Variants in SETD2 observed in about 807,000 individuals in gnomAD.
The protein encoded by SETD2 is histone-lysine N-methyltransferase SETD2.
A neutral mutation model predicts 242.1 loss-of-function variants in SETD2; 31 were observed. The ratio of observed to expected loss-of-function variants is 0.13; its 90% CI spans 0.10 to 0.17. The LOEUF (loss-of-function observed/expected upper bound fraction) is 0.17, where lower values mean the gene tolerates loss of function less well. Among genes scored for constraint, SETD2 ranks in the 10% least tolerant of loss-of-function variants. The pLI is 1.00. For synonymous variants in SETD2, 1,006 were observed against 1,066.5 expected, an observed-to-expected ratio of 0.94 and a Z score of 1.11; for missense variants, 2,481 against 3,046.3, an observed-to-expected ratio of 0.81 and a Z score of 4.37.
intron 15 of SETD2, among the ~76,000 whole-genome samples, chr3:47,051,084 C>T (rs1256268377): frequency 1.3e-5 from 2 of 151,558 alleles, no homozygotes; most frequent in African/African-American, 2.4e-5. Context: ...TATTCTCTTG[C>T]CATGACCATT....
Position 47,120,382 on chromosome 3 carries a change from A to G in SETD2, c.4254T>C (p.Asp1418=), listed in dbSNP as rs1172978091. The part of the protein sequence containing the change: ...RQEIESDSES[D]GELQDRKKVR... ...CTTTCTTTCTGTCCTGAAGCTCACC[A>G]TCACTTTCAGAATCACTCTCTATTT... Residue 1418 remains aspartate (D), a synonymous_variant, in exon 3 of 21, where the codon GAT becomes GAC. Transcript: ENST00000409792. 1.2e-6 allele frequency: 2 copies of G among 1,612,498 alleles called. No individual in the cohort carries two copies. Among genetic ancestry groups the G allele is most frequent in the Non-Finnish European group, 1.7e-6 (2 of 1,179,558 alleles).
rs1015959894 is a variant in SETD2 at position 47,121,869 on chromosome 3, G to A, written c.2767C>T (p.His923Tyr). 6.2e-7 allele frequency: 1 copy of A among 1,613,962 alleles called. No individual in the cohort carries two copies. The highest frequency in any genetic ancestry group is 8.5e-7 in the Non-Finnish European group (1 of 1,179,986). Reference sequence around the variant, plus strand: ...TCTACTATTGTTTCTTTCCCTGCATGCTTTAAAAACTCTGAACTTTTTTTA... The same window carrying A: ...TCTACTATTGTTTCTTTCCCTGCATACTTTAAAAACTCTGAACTTTTTTTA... ...KSKKSSEFLK[H>Y]AGKETIVEVG... The change falls in exon 3 of 21, where the codon CAT becomes TAT. Residue 923 changes from histidine to tyrosine, a missense_variant. His to Tyr is a moderately conservative substitution (Grantham distance 83). Coordinates refer to ENST00000409792, the MANE Select transcript of SETD2 (RefSeq NM_014159.7).
At chr3:47,135,425 C>T (rs774918803) in intron 1 of SETD2, among the ~76,000 whole-genome samples, 1 of 152,110 alleles carries the variant, frequency 6.6e-6, no homozygotes, top group Non-Finnish European at 1.5e-5. Context: ...GAGGCACACG[C>T]CACTTACGTC....
In SETD2 at chr3:47,159,195, A is replaced by G. The variant is rs1697408017; in HGVS notation, c.71+4659T>C. On this transcript the variant is annotated intron_variant, in intron 1 of 20. Coordinates refer to ENST00000409792, the MANE Select transcript of SETD2 (RefSeq NM_014159.7). ...AATCTCATCCAGCTTCATGGCTTGA[A>G]TAATACCTAAACTGGTGAAAACAAA... Among the ~76,000 whole-genome samples the G allele has an allele frequency of 2.0e-5, 3 of 152,346 alleles. No homozygotes were observed. In the East Asian group the frequency reaches 5.8e-4, roughly 29 times the overall value.
intron 1 of SETD2, among the ~76,000 whole-genome samples, chr3:47,132,330 T>C (rs1406584279): frequency 6.6e-6 from 1 of 151,894 alleles, no homozygotes; most frequent in African/African-American, 2.4e-5. Context: ...ACTACAAAAC[T>C]ACAAAAACTA....
intron 1 of SETD2, among the ~76,000 whole-genome samples, chr3:47,155,413 C>T (rs1054288109): frequency 1.3e-5 from 2 of 152,144 alleles, no homozygotes; most frequent in Non-Finnish European, 2.9e-5. Context: ...GTAATACAAA[C>T]GTGGCAAAAT....
Position 47,092,120 on chromosome 3 carries a change from G to A in SETD2, c.5143-3873C>T, listed in dbSNP as rs141824110. Among the ~76,000 whole-genome samples, 18 of 152,110 alleles carry A rather than the reference G, an allele frequency of 1.2e-4. No individual in the cohort carries two copies. The East Asian group carries it at 1.7e-3, about 15-fold the overall frequency. ...CGTTCTAACTAAAGAAAAATAAACC[G>A]TAAAAATGCAGAAACTGCAGTATAA... On this transcript the variant is annotated intron_variant, in intron 9 of 20. Transcript: ENST00000409792.
chr3:47,036,250 A>G (rs981549034), intron 18 of SETD2, among the ~76,000 whole-genome samples: 1 of 152,146 alleles, frequency 6.6e-6, no homozygotes, highest in Non-Finnish European at 1.5e-5. Flanking sequence ...ATGATATCTG[A>G]TTTCATTCAA....
intron 5 of SETD2, among the ~76,000 whole-genome samples, chr3:47,109,849 G>A (rs2042582243): frequency 6.6e-6 from 1 of 152,040 alleles, no homozygotes; most frequent in Non-Finnish European, 1.5e-5. Context: ...AGCTGGGCAT[G>A]GTGGCGCACA....
chr3:47,113,653 G>A (rs1055469268), intron 5 of SETD2, among the ~76,000 whole-genome samples: 1 of 152,094 alleles, frequency 6.6e-6, no homozygotes, highest in Non-Finnish European at 1.5e-5. Flanking sequence ...GGCCAACATG[G>A]TGAAACAACG....
At position 47,046,528 on chromosome 3, in the gene SETD2, T is replaced by C; in HGVS notation, c.7057A>G (p.Thr2353Ala). The change falls in exon 16 of 21, where the codon ACT (threonine) becomes GCT (alanine). Residue 2353 changes from threonine (T) to alanine (A), a missense_variant. This residue lies in a region of SETD2 where 235 missense variants were observed against 293.9 expected (regional missense o/e 0.80). Transcript: ENST00000409792. ...GVVVQPAAAV[T>A]TIVAPGQPQP... ...GGCTGCCCTGGTGCAACTATTGTAGTCACTGCTGCGGCTGGCTGTACCACC... is the reference window on the plus strand; with the variant it reads ...GGCTGCCCTGGTGCAACTATTGTAGCCACTGCTGCGGCTGGCTGTACCACC... The C allele has an allele frequency of 1.2e-6, 2 of 1,612,730 alleles. No individual in the cohort carries two copies. Among genetic ancestry groups the C allele is most frequent in the Non-Finnish European group, 1.7e-6 (2 of 1,179,146 alleles).
chr3:47,027,574 T>A (rs572339333), intron 18 of SETD2, among the ~76,000 whole-genome samples: 100 of 150,870 alleles, frequency 6.6e-4, no homozygotes, highest in South Asian at 2.3e-3. Context: ...TAATAAAATT[T>A]AAAAAAAAAT....
At position 47,018,173 on chromosome 3, in the gene SETD2, T is replaced by C. The variant is rs80073738; in HGVS notation, c.7432-434A>G. The stretch of plus-strand genomic sequence containing the variant: ...CCCAGGAACCACAGGAATTTTGTCA[T>C]TGAAGGGTACTTAGATTCTTTAAGT... On this transcript the variant is annotated intron_variant, in intron 19 of 20. Transcript: ENST00000409792. Among the ~76,000 whole-genome samples, 1,503 of 152,274 alleles carry C rather than the reference T, an allele frequency of 9.9e-3. 30 individuals carry two copies. Among genetic ancestry groups the C allele is most frequent in the African/African-American group, 0.035 (1,445 of 41,548 alleles).
In SETD2 at chr3:47,120,993, T is replaced by C. The variant is rs2043058783; in HGVS notation, c.3643A>G (p.Lys1215Glu). ...TGGAAAGTGGTCTGTTGCCAAGACT[T>C]ATTTGGGACATCTTCAAAATCAGAA... ...YSSDFEDVPN[K>E]SWQQTTFQNR... is the part of the protein sequence containing the mutation. The change falls in exon 3 of 21, where the codon AAG becomes GAG. Residue 1215 changes from lysine (K) to glutamate (E), a missense_variant. Lys to Glu is a moderately conservative substitution (Grantham distance 56). This residue lies in a region of SETD2 where 1,300 missense variants were observed against 1,259.2 expected (regional missense o/e 1.03). Transcript: ENST00000409792. 1.3e-5 allele frequency: 21 copies of C among 1,614,222 alleles called. No homozygotes were observed. The highest frequency in any genetic ancestry group is 1.7e-5 in the Non-Finnish European group (20 of 1,180,032).
At chr3:47,137,579 A>G (rs532448155) in intron 1 of SETD2, among the ~76,000 whole-genome samples, 2 of 152,318 alleles carry the variant, frequency 1.3e-5, no homozygotes, top group African/African-American at 4.8e-5. Context: ...ACTAGCATAC[A>G]AGCTTCTTTA....
intron 3 of SETD2, chr3:47,119,404 A>T (rs2042984770): frequency 6.5e-6 from 1 of 153,156 alleles, no homozygotes; most frequent in Non-Finnish European, 1.5e-5. Flanking sequence ...CTAAAAAAAA[A>T]TGAGAGAAGA....
chr3:47,111,079 TAAAAAAAAAAAAAAA>T (rs10672755), intron 5 of SETD2, among the ~76,000 whole-genome samples: 4 of 78,816 alleles, frequency 5.1e-5, no homozygotes, highest in South Asian at 5.2e-4. Context: ...GTGGTTCCTT[TAAAAAAAAAAAAAAA>T]AAAAAAAAAA....
chr3:47,041,757 G>A (rs1376392984), intron 17 of SETD2, among the ~76,000 whole-genome samples: 2 of 152,058 alleles, frequency 1.3e-5, no homozygotes, highest in Non-Finnish European at 2.9e-5. Context: ...GGCAGTTCCA[G>A]GAATTATACT....
At chr3:47,145,061 C>A (rs2043821005) in intron 1 of SETD2, among the ~76,000 whole-genome samples, 1 of 152,126 alleles carries the variant, frequency 6.6e-6, no homozygotes. Context: ...TTAAAGTACG[C>A]AGCTGGTTTT....
Sources: allele counts gnomAD v4.1 joint callset (sites outside exome capture counted in the v4.1 genomes callset), GRCh38; gene constraint gnomAD v4.1.1; regional missense constraint gnomAD v4.1.1; transcripts MANE v1.5; gene names NCBI Gene and HGNC (gene_info 2026-07-23, HGNC 2026-07-21).